Variants in DNAH7 observed in about 807,000 individuals in gnomAD.
DNAH7 encodes axonemal beta dynein heavy chain 7.
A neutral mutation model predicts 444.6 loss-of-function variants in DNAH7; 397 were observed. That is an observed-to-expected ratio of 0.89 (90% confidence interval 0.82 to 0.97). The LOEUF (loss-of-function observed/expected upper bound fraction) is 0.97, where lower values mean the gene tolerates loss of function less well. DNAH7 is among the 50% of genes least tolerant of loss of function. The pLI is 0.00. For synonymous variants in DNAH7, 1,636 were observed against 1,624.4 expected, an observed-to-expected ratio of 1.01 and a Z score of -0.17; for missense variants, 4,902 against 4,800.8, an observed-to-expected ratio of 1.02 and a Z score of -0.62.
intron 10 of DNAH7, among the ~76,000 whole-genome samples, chr2:196,008,830 A>C (rs1386572630): frequency 6.6e-6 from 1 of 152,230 alleles, no homozygotes; most frequent in East Asian, 1.9e-4. Flanking sequence ...GGGCGTATTA[A>C]GCCATTCTTG....
chr2:196,057,047 C>T (rs1025097804), intron 2 of DNAH7, among the ~76,000 whole-genome samples: 5 of 152,148 alleles, frequency 3.3e-5, no homozygotes, highest in African/African-American at 1.2e-4. Context: ...GCCCGAAGGT[C>T]CGTAATTAAA....
At chr2:196,052,028 A>G (rs1697505664) in intron 2 of DNAH7, among the ~76,000 whole-genome samples, 1 of 152,198 alleles carries the variant, frequency 6.6e-6, no homozygotes, top group South Asian at 2.1e-4. Context: ...AAACCTTTTT[A>G]CTTGTATGCT....
intron 56 of DNAH7, among the ~76,000 whole-genome samples, chr2:195,795,537 A>C (rs992068845): frequency 7.2e-5 from 11 of 152,218 alleles, no homozygotes; most frequent in Non-Finnish European, 1.0e-4. Context: ...GCACCAATAA[A>C]AGTGAAAGAA....
At position 195,782,010 on chromosome 2, in the gene DNAH7, CACACACAG is replaced by C. The variant is rs1343119100; in HGVS notation, c.10879-4033_10879-4026del. On this transcript the variant is annotated intron_variant, in intron 58 of 64. Transcript: ENST00000312428. ...ACACACACACACACACACACACACA[CACACACAG>C]ACACACCCCTACCAAAACAAGAATG... Among the ~76,000 whole-genome samples the C allele has an allele frequency of 4.2e-3, 629 of 151,464 alleles. 7 individuals carry two copies. The highest frequency in any genetic ancestry group is 0.014 in the African/African-American group (577 of 41,112).
At chr2:196,003,660 T>C (rs1342888968) in intron 10 of DNAH7, among the ~76,000 whole-genome samples, 3 of 152,170 alleles carry the variant, frequency 2.0e-5, no homozygotes, top group Non-Finnish European at 4.4e-5. Context: ...TCATTTAGGC[T>C]GGGTATTGAA....
At chr2:195,835,655 C>G (rs1466167394) in intron 47 of DNAH7, among the ~76,000 whole-genome samples, 1 of 151,902 alleles carries the variant, frequency 6.6e-6, no homozygotes, top group Non-Finnish European at 1.5e-5. Flanking sequence ...ACCATCCTGG[C>G]CAACATGGTG....
chr2:195,932,475 G>A (rs981672639), intron 21 of DNAH7, among the ~76,000 whole-genome samples: 6 of 152,008 alleles, frequency 3.9e-5, no homozygotes, highest in East Asian at 1.9e-4. Context: ...GGTGAGAGAC[G>A]GCATCCCTGT....
intron 5 of DNAH7, among the ~76,000 whole-genome samples, chr2:196,043,686 A>C (rs887536226): frequency 1.3e-5 from 2 of 152,118 alleles, no homozygotes; most frequent in African/African-American, 2.4e-5. Flanking sequence ...AATACCCAGA[A>C]TCTATAAGGA....
intron 47 of DNAH7, among the ~76,000 whole-genome samples, chr2:195,838,903 T>C (rs1698528662): frequency 6.6e-6 from 1 of 151,886 alleles, no homozygotes; most frequent in Non-Finnish European, 1.5e-5. Context: ...CTTTAATGTG[T>C]ATGCCTCTAA....
chr2:195,875,620 A>G, intron 38 of DNAH7, 55 bp downstream of exon 38: 1 of 1,482,136 alleles, frequency 6.7e-7, no homozygotes, highest in Non-Finnish European at 9.1e-7. Flanking sequence ...TTATTTCTTT[A>G]GCTATTGCTA....
chr2:195,872,291 T>C lies in DNAH7; in HGVS notation c.6592A>G (p.Thr2198Ala), dbSNP rs750206742. 77 of 1,613,814 alleles carry C rather than the reference T, an allele frequency of 4.8e-5. No homozygotes were observed. The highest frequency in any genetic ancestry group is 6.4e-5 in the Non-Finnish European group (75 of 1,179,920). ...CGTTTAATCACTTCTGTGGTTTCTG[T>C]TGTTTCTGGTCTTGACAAACAAACA... ...QGVCLSRPET[T>A]ETTEVIKRLW... The change falls in exon 40 of 65, where the codon ACA becomes GCA. Residue 2198 changes from threonine to alanine, a missense_variant. Physicochemically the swap from Thr to Ala is moderately conservative, Grantham distance 58 (BLOSUM62 0). Transcript: ENST00000312428.
chr2:195,943,801 T>G lies in DNAH7; in HGVS notation c.3079-7009A>C, dbSNP rs1283209368. On this transcript the variant is annotated intron_variant, in intron 19 of 64. Coordinates refer to ENST00000312428, the MANE Select transcript of DNAH7 (RefSeq NM_018897.3). ...ATGTTCTCCAATTTGGACAATATAT[T>G]AAATGATTATTCTATTTCATAGCTC... Among the ~76,000 whole-genome samples the G allele has an allele frequency of 2.0e-5, 3 of 152,318 alleles. No homozygotes were observed. In the South Asian group the frequency reaches 6.2e-4, roughly 32 times the overall value.
intron 30 of DNAH7, 66 bp downstream of exon 30, chr2:195,894,907 AAAT>A: frequency 7.4e-7 from 1 of 1,352,228 alleles, no homozygotes; most frequent in Non-Finnish European, 9.7e-7. Flanking sequence ...GCATCTTTTA[AAAT>A]AATGGTACAT....
chr2:195,972,315 C>G lies in DNAH7; in HGVS notation c.1985G>C (p.Arg662Thr), dbSNP rs755796258. Reference protein sequence around the residue: ...LNNSVFQWYGRMGEIFEEHRK... With the variant: ...LNNSVFQWYGTMGEIFEEHRK... ...GTGTTCTTCAAAAATTTCTCCCATC[C>G]TTCCATACCACTGGAAAACACTATT... is the stretch of plus-strand genomic sequence containing the variant. The change falls in exon 16 of 65, where the codon AGG becomes ACG. Residue 662 changes from arginine (R) to threonine (T), a missense_variant. Coordinates refer to ENST00000312428, the MANE Select transcript of DNAH7 (RefSeq NM_018897.3). 7.8e-5 allele frequency: 126 copies of G among 1,613,948 alleles called. No homozygotes were observed. Among genetic ancestry groups the G allele is most frequent in the Non-Finnish European group, 1.0e-4 (119 of 1,179,992 alleles).
At chr2:195,972,638 TA>T (rs2125578680) in intron 15 of DNAH7, among the ~76,000 whole-genome samples, 172 bp from the exon 16 acceptor site, 1 of 151,872 alleles carries the variant, frequency 6.6e-6, no homozygotes, top group East Asian at 1.9e-4. Flanking sequence ...AACATCTCAC[TA>T]AAATGACAAC....
chr2:195,894,874 G>C (rs1702215757), intron 30 of DNAH7, 102 bp downstream of exon 30: 7 of 1,139,600 alleles, frequency 6.1e-6, no homozygotes, highest in Non-Finnish European at 8.2e-6. Flanking sequence ...TTTTTCTCAT[G>C]ATTTTAAGTT....
intron 5 of DNAH7, among the ~76,000 whole-genome samples, chr2:196,039,786 C>T (rs1475437306): frequency 7.3e-6 from 1 of 136,782 alleles, no homozygotes; most frequent in East Asian, 2.1e-4. Flanking sequence ...GAGATTCTGC[C>T]TCAAAAAAAA....
At position 195,861,738 on chromosome 2, in the gene DNAH7, A is replaced by C. The variant is rs539461395; in HGVS notation, c.7715T>G (p.Leu2572Arg). 1.2e-6 allele frequency: 2 copies of C among 1,610,090 alleles called. No individual in the cohort carries two copies. Among genetic ancestry groups the C allele is most frequent in the East Asian group, 4.5e-5 (2 of 44,838 alleles). ...TTACCTTCTTTTCTTTTCTAACAACAGTTTGAAGGTGGAGATTAATTCGAG... is the reference window on the plus strand; with the variant it reads ...TTACCTTCTTTTCTTTTCTAACAACCGTTTGAAGGTGGAGATTAATTCGAG... ...SYLELISTFK[L>R]LLEKKRSEVM... is the part of the protein sequence containing the mutation. Residue 2572 changes from leucine to arginine, a missense_variant, in exon 42 of 65, where the codon CTG (leucine) becomes CGG (arginine). Transcript: ENST00000312428.
intron 63 of DNAH7, among the ~76,000 whole-genome samples, chr2:195,744,483 C>T (rs936694217): frequency 1.2e-4 from 19 of 152,204 alleles, no homozygotes; most frequent in African/African-American, 4.6e-4. Context: ...CCCTGTCTGA[C>T]AGCTTTGAGG....
Sources: allele counts gnomAD v4.1 joint callset (sites outside exome capture counted in the v4.1 genomes callset), GRCh38; gene constraint gnomAD v4.1.1; transcripts MANE v1.5; gene names NCBI Gene and HGNC (gene_info 2026-07-23, HGNC 2026-07-21).